The following MYCBP2 variants were observed in gnomAD, a reference collection of about 807,000 sequenced individuals.
MYCBP2 encodes the protein MYC binding protein 2.
In MYCBP2, 120 loss-of-function variants were observed where a neutral mutation model predicts 525.3. The ratio of observed to expected loss-of-function variants is 0.23; its 90% confidence interval spans 0.20 to 0.27. MYCBP2 has a LOEUF of 0.27. MYCBP2 is among the 10% of genes least tolerant of loss of function. The probability of loss-of-function intolerance (pLI) is 1.00; values close to 1 mark genes in which losing one functional copy is unlikely to be tolerated. For synonymous variants in MYCBP2, 1,894 were observed against 1,955.8 expected, an observed-to-expected ratio of 0.97 and a Z score of 0.83; for missense variants, 4,149 against 5,657.1, an observed-to-expected ratio of 0.73 and a Z score of 8.55.
chr13:77,051,035 G>A lies in MYCBP2; in HGVS notation c.13883C>T (p.Thr4628Ile). 1 of 1,613,270 alleles carries A rather than the reference G, an allele frequency of 6.2e-7. No individual in the cohort carries two copies. Among genetic ancestry groups the A allele is most frequent in the African/African-American group, 1.3e-5 (1 of 74,980 alleles). ...NACHDDFQRM[T>I]SIPKEELPHC... ...TGGTAGTTCTTCCTTAGGAATGCTA[G>A]TCATTCTTTGAAAATCATCATGACA... The change falls in exon 82 of 83, where the codon ACT becomes ATT. Residue 4628 changes from threonine to isoleucine, a missense_variant. By Grantham distance (89) the Thr-to-Ile change is moderately conservative. Around this residue, in one of 21 missense-constraint regions of MYCBP2, gnomAD observed 45 missense variants for 130.1 expected, o/e 0.35. Coordinates refer to ENST00000544440, the MANE Select transcript of MYCBP2 (RefSeq NM_015057.5).
chr13:77,080,123 G>T (rs2043049388), intron 65 of MYCBP2, among the ~76,000 whole-genome samples: 1 of 152,188 alleles, frequency 6.6e-6, no homozygotes, highest in African/African-American at 2.4e-5. Context: ...AGATAAAGTA[G>T]TTACACCAGT....
chr13:77,050,923 A>G lies in MYCBP2; in HGVS notation c.13921+74T>C. 7.7e-6 allele frequency: 10 copies of G among 1,293,898 alleles called. No individual in the cohort carries two copies. In the South Asian group the frequency reaches 1.4e-4, roughly 18 times the overall value. The allele number at this position is 1,293,898 out of a possible 1,614,324, so 80.2% of individuals were successfully genotyped here. A position where few individuals can be genotyped will look rare whatever the true frequency, so the allele number is the denominator to read the frequency against. ...ATTGAGTTTCTGTCACTTGAAACAG[A>G]GCTTTCATATAATGTTTACATAAAA... On this transcript the variant is annotated intron_variant, in intron 82 of 82. Transcript: ENST00000544440.
intron 82 of MYCBP2, 52 bp from the exon 83 acceptor site, chr13:77,045,545 A>G (rs367784750): frequency 6.5e-6 from 7 of 1,082,632 alleles, no homozygotes; most frequent in African/African-American, 1.6e-5. Context: ...GAATACACAC[A>G]TATAAACCTC....
chr13:77,311,572 T>A (rs1354781171), intron 1 of MYCBP2, among the ~76,000 whole-genome samples: 1 of 150,710 alleles, frequency 6.6e-6, no homozygotes, highest in African/African-American at 2.4e-5. Context: ...TTTGTTTTTT[T>A]TTTTTTGTTT....
chr13:77,165,184 A>T, intron 42 of MYCBP2, 89 bp downstream of exon 42: 1 of 1,138,508 alleles, frequency 8.8e-7, no homozygotes, highest in Non-Finnish European at 1.3e-6. Flanking sequence ...TAGAGGCAAC[A>T]GTACAATTTA....
chr13:77,132,410 G>A (rs2053042121), intron 52 of MYCBP2, among the ~76,000 whole-genome samples: 1 of 152,102 alleles, frequency 6.6e-6, no homozygotes, highest in South Asian at 2.1e-4. Flanking sequence ...ATACAAACAA[G>A]ATTAACAAAT....
At chr13:77,318,180 C>T (rs1430942924) in intron 1 of MYCBP2, among the ~76,000 whole-genome samples, 2 of 152,102 alleles carry the variant, frequency 1.3e-5, no homozygotes, top group African/African-American at 2.4e-5. Context: ...GACTGGTTGG[C>T]CTGCTTGAAG....
intron 26 of MYCBP2, among the ~76,000 whole-genome samples, chr13:77,200,762 C>T (rs1345708257): frequency 1.7e-3 from 265 of 152,070 alleles, no homozygotes; most frequent in African/African-American, 5.4e-3. Flanking sequence ...AAAAGAATTT[C>T]CAACCCAGAA....
At chr13:77,228,000 T>C (rs2066544792) in intron 18 of MYCBP2, among the ~76,000 whole-genome samples, 1 of 152,046 alleles carries the variant, frequency 6.6e-6, no homozygotes, top group Non-Finnish European at 1.5e-5. Context: ...GTAAAAAAAT[T>C]GAGATGAGGG....
At chr13:77,125,160 G>C (rs2051427868) in intron 54 of MYCBP2, among the ~76,000 whole-genome samples, 176 bp downstream of exon 54, 1 of 152,158 alleles carries the variant, frequency 6.6e-6, no homozygotes, top group Non-Finnish European at 1.5e-5. Flanking sequence ...TGTGCATTAA[G>C]TACTCACGTA....
intron 56 of MYCBP2, 26 bp downstream of exon 56, chr13:77,097,344 T>C (rs373845613): frequency 3.8e-6 from 6 of 1,565,084 alleles, no homozygotes; most frequent in Non-Finnish European, 4.3e-6. Context: ...AAAGCACTTA[T>C]ACGTACATTC....
At position 77,261,500 on chromosome 13, in the gene MYCBP2, T is replaced by C; in HGVS notation, c.1648-125A>G. Reference sequence around the variant, plus strand: ...TAAAATTCACATAAAAACAAACTCTTTTTTACACTATTCAGCTTCTGGGAG... The same window carrying C: ...TAAAATTCACATAAAAACAAACTCTCTTTTACACTATTCAGCTTCTGGGAG... On this transcript the variant is annotated intron_variant, in intron 11 of 82. Coordinates refer to ENST00000544440, the MANE Select transcript of MYCBP2 (RefSeq NM_015057.5). The C allele has an allele frequency of 4.1e-6, 3 of 725,412 alleles. No individual in the cohort carries two copies. In the South Asian group the frequency reaches 6.4e-5, roughly 16 times the overall value. The allele number at this position is 725,412 out of a possible 1,614,324, so 44.9% of individuals were successfully genotyped here.
intron 68 of MYCBP2, among the ~76,000 whole-genome samples, chr13:77,074,733 A>C (rs1423942901): frequency 6.6e-6 from 1 of 152,238 alleles, no homozygotes; most frequent in Non-Finnish European, 1.5e-5. Flanking sequence ...AAAGCATTAC[A>C]CTAAAGTGAA....
intron 26 of MYCBP2, among the ~76,000 whole-genome samples, chr13:77,197,523 A>G (rs1036804531): frequency 1.3e-5 from 2 of 152,222 alleles, no homozygotes; most frequent in East Asian, 1.9e-4. Context: ...AAATGCATCA[A>G]AGAAGTCTGA....
At chr13:77,175,099 T>C (rs1323132119) in intron 36 of MYCBP2, among the ~76,000 whole-genome samples, 1 of 148,306 alleles carries the variant, frequency 6.7e-6, no homozygotes, top group Non-Finnish European at 1.5e-5. Context: ...CAGTTAATTT[T>C]TTAGGGTGTT....
chr13:77,197,707 A>G (rs56123412), intron 26 of MYCBP2, among the ~76,000 whole-genome samples: 10,332 of 152,234 alleles, frequency 0.068, 545 homozygotes, highest in African/African-American at 0.14. Context: ...AGATAGAAGA[A>G]AAAACTACAG....
chr13:77,239,746 G>T (rs1041953287), intron 17 of MYCBP2, among the ~76,000 whole-genome samples: 2 of 152,128 alleles, frequency 1.3e-5, no homozygotes, highest in African/African-American at 4.8e-5. Context: ...TGGTCCCTTT[G>T]AGACCACCTT....
intron 55 of MYCBP2, chr13:77,118,503 G>A (rs1291575370): frequency 2.6e-6 from 2 of 764,650 alleles, no homozygotes. Flanking sequence ...CACCTGCAGT[G>A]GGTAAAACAG....
At chr13:77,132,765 G>A (rs1216120447) in intron 52 of MYCBP2, among the ~76,000 whole-genome samples, 3 of 152,202 alleles carry the variant, frequency 2.0e-5, no homozygotes, top group Non-Finnish European at 4.4e-5. Flanking sequence ...AAGTACACTT[G>A]TTTTCCAAAA....
Sources: gnomAD v4.1 joint callset for allele counts (sites outside exome capture counted in the v4.1 genomes callset) on GRCh38, gnomAD v4.1.1 for gene constraint, gnomAD v4.1.1 regional missense constraint, MANE v1.5 for transcripts, NCBI Gene and HGNC (gene_info 2026-07-23, HGNC 2026-07-21) for gene names.